Variants in KLHL14 observed in about 807,000 individuals in gnomAD.
KLHL14 encodes kelch like family member 14, also known as kelch-like protein 14.
A neutral mutation model predicts 64.3 loss-of-function variants in KLHL14; 22 were observed. The observed-to-expected ratio is 0.34, with a 90% confidence interval of 0.24 to 0.49. The LOEUF is 0.49. Ranked by LOEUF, KLHL14 falls within the 20% of genes least tolerant of loss-of-function variation. The pLI is 0.99. For synonymous variants in KLHL14, 322 were observed against 333.4 expected, an observed-to-expected ratio of 0.97 and a Z score of 0.37; for missense variants, 661 against 789.0, an observed-to-expected ratio of 0.84 and a Z score of 1.94.
In KLHL14 at chr18:32,771,826, C is replaced by CG. The variant is rs1424454399; in HGVS notation, c.-44+840dup. Among the ~76,000 whole-genome samples, 4 of 142,690 alleles carry CG rather than the reference C, an allele frequency of 2.8e-5. No individual in the cohort carries two copies. In the East Asian group the frequency reaches 9.3e-4, roughly 33 times the overall value. The allele number at this position is 142,690 out of a possible 152,430, so 93.6% of individuals were successfully genotyped here. A position where few individuals can be genotyped will look rare whatever the true frequency, so the allele number is the denominator to read the frequency against. On this transcript the variant is annotated intron_variant, in intron 1 of 8. Coordinates refer to ENST00000359358, the MANE Select transcript of KLHL14 (RefSeq NM_020805.3). ...GGGGGGGCGGGGGAGCAGTGGGGTGCGGGGTCTCTGCGCCCCACCCAGCAT... is the reference window on the plus strand; with the variant it reads ...GGGGGGGCGGGGGAGCAGTGGGGTGCGGGGGTCTCTGCGCCCCACCCAGCAT...
chr18:32,758,974 T>C (rs2144547086), intron 2 of KLHL14, among the ~76,000 whole-genome samples: 1 of 152,316 alleles, frequency 6.6e-6, no homozygotes, highest in South Asian at 2.1e-4. Flanking sequence ...TGGTGATTGC[T>C]AACAGATATG....
At chr18:32,678,994 A>G (rs1318577857) in intron 7 of KLHL14, among the ~76,000 whole-genome samples, 2 of 152,240 alleles carry the variant, frequency 1.3e-5, no homozygotes, top group African/African-American at 4.8e-5. Context: ...TTAATACAAA[A>G]CATGTCGACG....
intron 3 of KLHL14, among the ~76,000 whole-genome samples, chr18:32,705,568 C>G (rs1339462875): frequency 6.6e-6 from 1 of 151,722 alleles, no homozygotes; most frequent in Non-Finnish European, 1.5e-5. Context: ...ACTAAAAATA[C>G]AAAAAGTAGC....
At chr18:32,757,754 G>T (rs2050289347) in intron 2 of KLHL14, among the ~76,000 whole-genome samples, 1 of 152,106 alleles carries the variant, frequency 6.6e-6, no homozygotes, top group Non-Finnish European at 1.5e-5. Context: ...GAAATATGAT[G>T]CCCAAGTCAA....
At chr18:32,756,772 G>T (rs920509749) in intron 2 of KLHL14, among the ~76,000 whole-genome samples, 1 of 152,190 alleles carries the variant, frequency 6.6e-6, no homozygotes, top group Non-Finnish European at 1.5e-5. Context: ...ATTGAAGTTT[G>T]TCAGGATTCT....
At chr18:32,768,111 G>GT (rs1009751468) in intron 2 of KLHL14, among the ~76,000 whole-genome samples, 9 of 152,074 alleles carry the variant, frequency 5.9e-5, no homozygotes, top group South Asian at 2.1e-4. Flanking sequence ...TACGTTTCAT[G>GT]TTTTTTTCCT....
intron 3 of KLHL14, among the ~76,000 whole-genome samples, chr18:32,720,017 T>A (rs1300514879): frequency 6.6e-6 from 1 of 152,220 alleles, no homozygotes. Context: ...TATCCAAAAT[T>A]CCTGCACAAA....
intron 2 of KLHL14, among the ~76,000 whole-genome samples, chr18:32,752,011 C>T (rs1041888919): frequency 2.0e-5 from 3 of 152,124 alleles, no homozygotes; most frequent in Non-Finnish European, 4.4e-5. Context: ...CCTGTAATCC[C>T]AGCTACTCAG....
At chr18:32,741,358 G>A (rs1263869670) in intron 3 of KLHL14, among the ~76,000 whole-genome samples, 2 of 152,168 alleles carry the variant, frequency 1.3e-5, no homozygotes, top group African/African-American at 4.8e-5. Flanking sequence ...GGGAGGAGAA[G>A]AATCCTGGGT....
chr18:32,756,611 C>G (rs1485407392), intron 2 of KLHL14, among the ~76,000 whole-genome samples: 1 of 152,152 alleles, frequency 6.6e-6, no homozygotes, highest in Non-Finnish European at 1.5e-5. Flanking sequence ...TTTACCTAGA[C>G]TACTTGCTGT....
intron 2 of KLHL14, among the ~76,000 whole-genome samples, chr18:32,760,368 A>ACACATATACC (rs2050308267): frequency 6.6e-6 from 1 of 152,092 alleles, no homozygotes; most frequent in Non-Finnish European, 1.5e-5. Flanking sequence ...ACACATATAC[A>ACACATATACC]CACACACACA....
At chr18:32,711,489 A>G (rs1239875450) in intron 3 of KLHL14, among the ~76,000 whole-genome samples, 1 of 152,226 alleles carries the variant, frequency 6.6e-6, no homozygotes, top group Non-Finnish European at 1.5e-5. Context: ...ACTTCTCAAT[A>G]GATTTGGATT....
intron 7 of KLHL14, among the ~76,000 whole-genome samples, chr18:32,679,769 C>A (rs920864422): frequency 2.0e-5 from 3 of 151,990 alleles, no homozygotes; most frequent in African/African-American, 7.3e-5. Flanking sequence ...TAGCTTTGTG[C>A]ACTTATGACT....
At chr18:32,674,824 A>G in intron 8 of KLHL14, 27 bp from the exon 9 acceptor site, 1 of 776,080 alleles carries the variant, frequency 1.3e-6, no homozygotes, top group Non-Finnish European at 2.4e-6. Context: ...GGGAGCATTT[A>G]GAGAAGGAAG....
At chr18:32,737,059 T>C (rs1277223991) in intron 3 of KLHL14, among the ~76,000 whole-genome samples, 1 of 152,050 alleles carries the variant, frequency 6.6e-6, no homozygotes. Context: ...TATAAATAAG[T>C]CTAAATTCTT....
Position 32,729,278 on chromosome 18 carries a change from C to G in KLHL14, c.1069+12650G>C, listed in dbSNP as rs549485978. Among the ~76,000 whole-genome samples, 13 of 152,254 alleles carry G rather than the reference C, an allele frequency of 8.5e-5. No homozygotes were observed. In the South Asian group the frequency reaches 2.5e-3, roughly 29 times the overall value. On this transcript the variant is annotated intron_variant, in intron 3 of 8. Coordinates refer to ENST00000359358, the MANE Select transcript of KLHL14 (RefSeq NM_020805.3). ...CAGTGCCTCTGTGGGAATGTGAACTCTCTACTACCTAGAGCTGTGCTGTTC... is the reference window on the plus strand; with the variant it reads ...CAGTGCCTCTGTGGGAATGTGAACTGTCTACTACCTAGAGCTGTGCTGTTC...
intron 4 of KLHL14, among the ~76,000 whole-genome samples, chr18:32,688,894 G>A (rs567454175): frequency 1.3e-5 from 2 of 152,276 alleles, no homozygotes; most frequent in African/African-American, 2.4e-5. Context: ...GAGCTGTGGT[G>A]GCTTGAATGA....
intron 3 of KLHL14, among the ~76,000 whole-genome samples, chr18:32,722,161 T>C (rs1303305546): frequency 6.6e-6 from 1 of 152,206 alleles, no homozygotes. Flanking sequence ...TCCCAAGCAA[T>C]GTGAAACTGT....
chr18:32,682,137 G>A (rs535625146), intron 5 of KLHL14, among the ~76,000 whole-genome samples: 128 of 152,276 alleles, frequency 8.4e-4, no homozygotes, highest in African/African-American at 2.9e-3. Context: ...ATGTTTAAGT[G>A]GCAACTAAAT....
Sources: allele counts gnomAD v4.1 joint callset (sites outside exome capture counted in the v4.1 genomes callset), GRCh38; gene constraint gnomAD v4.1.1; transcripts MANE v1.5; gene names NCBI Gene and HGNC (gene_info 2026-07-23, HGNC 2026-07-21).